Variants in NPAS2 observed in about 807,000 individuals in gnomAD.
NPAS2 encodes neuronal PAS domain-containing protein 2.
In NPAS2, 23 loss-of-function variants were observed where a neutral mutation model predicts 107.5. The ratio of observed to expected loss-of-function variants is 0.21; its 90% CI spans 0.15 to 0.30. The LOEUF (loss-of-function observed/expected upper bound fraction) is 0.30. NPAS2 is among the 10% of genes least tolerant of loss of function. NPAS2 has a pLI of 1.00. For synonymous variants in NPAS2, 403 were observed against 417.5 expected, an observed-to-expected ratio of 0.97 and a Z score of 0.42; for missense variants, 756 against 1,043.3, an observed-to-expected ratio of 0.72 and a Z score of 3.79.
chr2:100,831,158 G>A (rs1006895027), intron 1 of NPAS2, among the ~76,000 whole-genome samples: 3 of 151,934 alleles, frequency 2.0e-5, no homozygotes, highest in Non-Finnish European at 4.4e-5. Flanking sequence ...AAATTAGCCG[G>A]GTGTGGTGAT....
intron 2 of NPAS2, among the ~76,000 whole-genome samples, chr2:100,919,429 C>T (rs956826445): frequency 2.0e-5 from 3 of 152,128 alleles, no homozygotes; most frequent in Admixed American, 6.5e-5. Flanking sequence ...GTCAGCGTCA[C>T]TTTTTCGAGG....
At chr2:100,882,758 C>A (rs1680452490) in intron 1 of NPAS2, among the ~76,000 whole-genome samples, 1 of 152,216 alleles carries the variant, frequency 6.6e-6, no homozygotes, top group Non-Finnish European at 1.5e-5. Flanking sequence ...CTCTGCCTTG[C>A]CTGGGTGAAG....
At chr2:100,895,633 G>A (rs1681366382) in intron 1 of NPAS2, among the ~76,000 whole-genome samples, 2 of 152,068 alleles carry the variant, frequency 1.3e-5, no homozygotes, top group African/African-American at 4.8e-5. Context: ...TCCACACTCA[G>A]TGCTCCACTG....
intron 11 of NPAS2, among the ~76,000 whole-genome samples, chr2:100,970,272 C>G (rs1285152007): frequency 6.6e-6 from 1 of 152,240 alleles, no homozygotes; most frequent in African/African-American, 2.4e-5. Context: ...TCTACCAGCT[C>G]TTCTTCTCCA....
intron 14 of NPAS2, 56 bp from the exon 15 acceptor site, chr2:100,977,654 C>A: frequency 6.8e-7 from 1 of 1,476,814 alleles, no homozygotes; most frequent in Non-Finnish European, 9.5e-7. Flanking sequence ...GAGACCACAT[C>A]CCTGTCCCCT....
intron 15 of NPAS2, 77 bp from the exon 16 acceptor site, chr2:100,982,154 C>A: frequency 1.3e-6 from 2 of 1,543,500 alleles, no homozygotes; most frequent in Non-Finnish European, 1.8e-6. Context: ...AGTGTACAGA[C>A]CGAGCAGCAG....
chr2:100,919,208 G>A (rs148549241), intron 2 of NPAS2, among the ~76,000 whole-genome samples: 3 of 152,256 alleles, frequency 2.0e-5, no homozygotes, highest in East Asian at 1.9e-4. Flanking sequence ...GAACAGAACC[G>A]AGCTGGCCAG....
At chr2:100,912,728 T>A (rs1682636496) in intron 2 of NPAS2, among the ~76,000 whole-genome samples, 1 of 152,246 alleles carries the variant, frequency 6.6e-6, no homozygotes, top group East Asian at 1.9e-4. Flanking sequence ...AGGGCGAATG[T>A]CACGGGGAAG....
chr2:100,972,004 C>T (rs900209212), intron 12 of NPAS2, among the ~76,000 whole-genome samples: 3 of 149,330 alleles, frequency 2.0e-5, no homozygotes, highest in African/African-American at 7.5e-5. Flanking sequence ...TGCAGTGGTG[C>T]AATCTCGATC....
At chr2:100,870,500 A>T (rs1235091312) in intron 1 of NPAS2, among the ~76,000 whole-genome samples, 1 of 151,816 alleles carries the variant, frequency 6.6e-6, no homozygotes, top group African/African-American at 2.4e-5. Context: ...GGCTCAAGTG[A>T]TCCTCCTACC....
chr2:100,925,009 C>T (rs1436053667), intron 2 of NPAS2, 137 bp from the exon 3 acceptor site: 8 of 849,140 alleles, frequency 9.4e-6, no homozygotes, highest in African/African-American at 1.7e-5. Context: ...ATGTGGCCAG[C>T]GTGACCTTCC....
intron 3 of NPAS2, 76 bp downstream of exon 3, chr2:100,925,370 G>A: frequency 1.3e-6 from 2 of 1,527,168 alleles, no homozygotes; most frequent in Admixed American, 1.8e-5. Context: ...AATCTGGGCT[G>A]CCTGGTTGGT....
intron 4 of NPAS2, among the ~76,000 whole-genome samples, chr2:100,935,287 C>T (rs991024644): frequency 2.0e-5 from 3 of 152,274 alleles, no homozygotes; most frequent in Non-Finnish European, 2.9e-5. Flanking sequence ...GAGGTTGTCC[C>T]AAGGAACACA....
chr2:100,917,817 A>C (rs1301473331), intron 2 of NPAS2, among the ~76,000 whole-genome samples: 4 of 152,196 alleles, frequency 2.6e-5, no homozygotes, highest in Non-Finnish European at 4.4e-5. Context: ...TGAAAACCTG[A>C]ACAGGAAATC....
At chr2:100,922,726 T>C (rs1491000004) in intron 2 of NPAS2, among the ~76,000 whole-genome samples, 1 of 152,194 alleles carries the variant, frequency 6.6e-6, no homozygotes, top group African/African-American at 2.4e-5. Context: ...CTCATTTTCT[T>C]TCTCTTGCCT....
chr2:100,954,664 CAAAAAAAA>C (rs1194534141), intron 7 of NPAS2, among the ~76,000 whole-genome samples: 1 of 81,386 alleles, frequency 1.2e-5, no homozygotes, highest in Non-Finnish European at 2.6e-5. Flanking sequence ...AACTGTGTCT[CAAAAAAAA>C]AAAAAAAAGA....
At chr2:100,919,423 G>C (rs1461888876) in intron 2 of NPAS2, among the ~76,000 whole-genome samples, 1 of 152,104 alleles carries the variant, frequency 6.6e-6, no homozygotes. Flanking sequence ...CCCACCGTCA[G>C]CGTCACTTTT....
At chr2:100,878,080 G>A in intron 1 of NPAS2, 4 of 985,374 alleles carry the variant, frequency 4.1e-6, no homozygotes, top group Non-Finnish European at 4.8e-6. Context: ...GTGGTGACGA[G>A]TCAGCATTCC....
chr2:100,826,038 A>G (rs1420159997), intron 1 of NPAS2, among the ~76,000 whole-genome samples: 2 of 152,238 alleles, frequency 1.3e-5, no homozygotes, highest in Non-Finnish European at 2.9e-5. Context: ...TGTTGTAGCC[A>G]AAAGCATCCC....
Sources: allele counts gnomAD v4.1 joint callset (sites outside exome capture counted in the v4.1 genomes callset), GRCh38; gene constraint gnomAD v4.1.1; transcripts MANE v1.5; gene names NCBI Gene and HGNC (gene_info 2026-07-23, HGNC 2026-07-21).